The following FGGY variants were observed in gnomAD, a reference collection of about 807,000 sequenced individuals.
FGGY encodes FGGY carbohydrate kinase domain-containing protein.
A neutral mutation model predicts 71.3 loss-of-function variants in FGGY; 72 were observed. That is an observed-to-expected ratio of 1.01 (90% confidence interval 0.84 to 1.23). The LOEUF (loss-of-function observed/expected upper bound fraction) is 1.23, where lower values mean the gene tolerates loss of function less well. Among genes scored for constraint, FGGY ranks in the 50% most tolerant of loss-of-function variants. The pLI is 0.00. For synonymous variants in FGGY, 251 were observed against 250.3 expected (o/e 1.00, Z -0.02); for missense variants, 668 against 682.3 (o/e 0.98, Z 0.23).
intron 14 of FGGY, among the ~76,000 whole-genome samples, chr1:59,678,116 A>G (rs1168951381): frequency 2.0e-5 from 3 of 152,212 alleles, no homozygotes; most frequent in Admixed American, 1.3e-4. Context: ...TTGAAGGCAA[A>G]TCATGATCAG....
At chr1:59,694,292 TAAATA>T (rs1370798444) in intron 14 of FGGY, among the ~76,000 whole-genome samples, 1 of 80,298 alleles carries the variant, frequency 1.2e-5, no homozygotes, top group African/African-American at 5.6e-5. Context: ...CCGTCTTAAA[TAAATA>T]AATAAATAAA....
intron 2 of FGGY, among the ~76,000 whole-genome samples, chr1:59,324,468 G>A (rs1320749415): frequency 6.6e-6 from 1 of 150,708 alleles, no homozygotes; most frequent in African/African-American, 2.4e-5. Context: ...AGTAGAGACG[G>A]GGTTTCACCG....
At chr1:59,600,741 C>A (rs1228145693) in intron 8 of FGGY, among the ~76,000 whole-genome samples, 1 of 152,100 alleles carries the variant, frequency 6.6e-6, no homozygotes, top group Non-Finnish European at 1.5e-5. Flanking sequence ...TGATCCCCAT[C>A]GACAGATAAG....
intron 6 of FGGY, among the ~76,000 whole-genome samples, chr1:59,488,018 T>A (rs1227421699): frequency 1.3e-5 from 2 of 152,172 alleles, no homozygotes; most frequent in Non-Finnish European, 2.9e-5. Context: ...TCACTTTGCC[T>A]TTTTTTGTGC....
chr1:59,425,381 T>C (rs1440990552), intron 5 of FGGY, among the ~76,000 whole-genome samples: 1 of 152,230 alleles, frequency 6.6e-6, no homozygotes, highest in Non-Finnish European at 1.5e-5. Flanking sequence ...TTTTTAACAT[T>C]GGAAAATTGG....
At chr1:59,471,463 C>T (rs781515596) in intron 6 of FGGY, among the ~76,000 whole-genome samples, 4 of 152,178 alleles carry the variant, frequency 2.6e-5, no homozygotes, top group Non-Finnish European at 5.9e-5. Context: ...TGCCTGTCAC[C>T]CTGAGCTTTT....
chr1:59,612,026 G>C (rs1177009477), intron 9 of FGGY, among the ~76,000 whole-genome samples: 2 of 152,224 alleles, frequency 1.3e-5, no homozygotes, highest in African/African-American at 2.4e-5. Flanking sequence ...CGTCTGATTA[G>C]TGTACCTGAA....
intron 2 of FGGY, among the ~76,000 whole-genome samples, chr1:59,331,115 A>G (rs894255932): frequency 4.6e-5 from 7 of 152,154 alleles, no homozygotes; most frequent in Non-Finnish European, 1.0e-4. Context: ...AGGAATAAAT[A>G]GGAGGGCTGA....
At chr1:59,321,479 G>T (rs2046371091) in intron 1 of FGGY, 57 bp from the exon 2 acceptor site, 2 of 1,479,574 alleles carry the variant, frequency 1.4e-6, no homozygotes, top group Admixed American at 3.8e-5. Flanking sequence ...GATGTTTTGT[G>T]ACTGTCTTTG....
chr1:59,627,916 G>C (rs897924464), intron 10 of FGGY, among the ~76,000 whole-genome samples: 1 of 152,142 alleles, frequency 6.6e-6, no homozygotes, highest in Non-Finnish European at 1.5e-5. Flanking sequence ...AAACGAGGAC[G>C]AAATGACAGG....
chr1:59,562,751 CACA>C (rs2095812269), intron 8 of FGGY, among the ~76,000 whole-genome samples: 1 of 152,066 alleles, frequency 6.6e-6, no homozygotes, highest in Non-Finnish European at 1.5e-5. Flanking sequence ...ATGAAATGGG[CACA>C]ACAAGGGCCA....
intron 14 of FGGY, among the ~76,000 whole-genome samples, chr1:59,733,663 C>CT (rs954708825): frequency 1.3e-5 from 2 of 152,140 alleles, no homozygotes; most frequent in Admixed American, 6.6e-5. Flanking sequence ...TTCTTTGTTG[C>CT]TGCTGTTCTC....
rs114236703 is a variant in FGGY at position 59,620,332 on chromosome 1, T to C, written c.1012-5656T>C. Among the ~76,000 whole-genome samples the C allele has an allele frequency of 8.3e-3, 1,260 of 151,978 alleles. 22 individuals carry two copies. The highest frequency in any genetic ancestry group is 0.029 in the African/African-American group (1,200 of 41,382). On this transcript the variant is annotated intron_variant, in intron 9 of 15. Coordinates refer to ENST00000303721, the MANE Select transcript of FGGY (RefSeq NM_018291.5). ...AAATATGTTGCCAATCCATCTCTCT[T>C]TTTTCTTCTCTTTTCTTTTCTTTTC... is the stretch of plus-strand genomic sequence containing the variant.
At chr1:59,567,942 C>T (rs918085745) in intron 8 of FGGY, among the ~76,000 whole-genome samples, 2 of 151,314 alleles carry the variant, frequency 1.3e-5, no homozygotes, top group Admixed American at 6.6e-5. Flanking sequence ...CGTGCTATCC[C>T]TCACCATTCA....
At chr1:59,692,616 C>G (rs1300741524) in intron 14 of FGGY, among the ~76,000 whole-genome samples, 1 of 146,562 alleles carries the variant, frequency 6.8e-6, no homozygotes. Context: ...AAATGGTCCA[C>G]TATGTTAGAT....
chr1:59,477,073 C>G (rs1037247552), intron 6 of FGGY, among the ~76,000 whole-genome samples: 4 of 152,188 alleles, frequency 2.6e-5, no homozygotes, highest in African/African-American at 9.7e-5. Flanking sequence ...CTCAGTTGGA[C>G]ATCTGACCTC....
At chr1:59,688,369 T>A (rs2097562045) in intron 14 of FGGY, among the ~76,000 whole-genome samples, 1 of 152,246 alleles carries the variant, frequency 6.6e-6, no homozygotes, top group South Asian at 2.1e-4. Context: ...TAAGTCTGTA[T>A]GTCCTAGAAC....
chr1:59,552,058 T>C (rs563042037), intron 7 of FGGY, among the ~76,000 whole-genome samples: 2 of 152,160 alleles, frequency 1.3e-5, no homozygotes, highest in East Asian at 3.9e-4. Context: ...ATCAGTGAAA[T>C]GGAAGCAGCT....
At chr1:59,525,851 C>A (rs1046036351) in intron 7 of FGGY, among the ~76,000 whole-genome samples, 10 of 152,130 alleles carry the variant, frequency 6.6e-5, no homozygotes, top group African/African-American at 2.4e-4. Context: ...CTGTGTGTCT[C>A]TGTATATGTG....
Sources: gnomAD v4.1 joint callset for allele counts (sites outside exome capture counted in the v4.1 genomes callset) on GRCh38, gnomAD v4.1.1 for gene constraint, MANE v1.5 for transcripts, NCBI Gene and HGNC (gene_info 2026-07-23, HGNC 2026-07-21) for gene names.